Variants in TBL1X observed in about 807,000 individuals in gnomAD.
TBL1X encodes F-box-like/WD repeat-containing protein TBL1X.
In TBL1X, 10 loss-of-function variants were observed where a neutral mutation model predicts 50.7. The observed-to-expected ratio is 0.20, with a 90% CI of 0.12 to 0.33. TBL1X has a LOEUF of 0.33. TBL1X is among the 10% of genes least tolerant of loss of function. TBL1X has a pLI of 1.00. For missense variants in TBL1X, 340 were observed against 504.4 expected (o/e 0.67, Z 3.12); for synonymous variants, 190 against 214.7 (o/e 0.88, Z 1.01).
At chrX:9,611,182 G>A (rs2082611723) in intron 2 of TBL1X, among the ~76,000 whole-genome samples, 1 of 112,072 alleles carries the variant, frequency 8.9e-6, no homozygotes, top group Non-Finnish European at 1.9e-5. Flanking sequence ...GGCTCCAGGT[G>A]GATGACTTTC....
chrX:9,466,990 G>A (rs2081779748), intron 1 of TBL1X, among the ~76,000 whole-genome samples: 1 of 111,695 alleles, frequency 9.0e-6, no homozygotes, highest in African/African-American at 3.3e-5. Context: ...TGCCACCCTC[G>A]CTCCCCAACT....
intron 2 of TBL1X, among the ~76,000 whole-genome samples, chrX:9,584,857 T>A (rs1232298158): frequency 9.0e-6 from 1 of 111,264 alleles, no homozygotes; most frequent in Non-Finnish European, 1.9e-5. Context: ...GTCTGTTTAG[T>A]GGGTATTAGA....
chrX:9,692,125 A>G lies in TBL1X; in HGVS notation c.762A>G (p.Ser254=). The change falls in exon 9 of 18, where the codon TCA becomes TCG. Residue 254 remains serine (S), a synonymous_variant. Coordinates refer to ENST00000645353, the MANE Select transcript of TBL1X (RefSeq NM_005647.4). ...SDLLASGSGD[S]TARIWNLNEN... Reference sequence around the variant, plus strand: ...TTTTATTCTGTAGATCTGGAGACTCAACTGCAAGGATATGGAACCTGAATG... The same window carrying G: ...TTTTATTCTGTAGATCTGGAGACTCGACTGCAAGGATATGGAACCTGAATG... 8.3e-7 allele frequency: 1 copy of G among 1,211,661 alleles called. No homozygotes were observed. Among genetic ancestry groups the G allele is most frequent in the Non-Finnish European group, 1.1e-6 (1 of 895,495 alleles).
At chrX:9,661,603 G>A (rs2082899093) in intron 5 of TBL1X, among the ~76,000 whole-genome samples, 1 of 112,058 alleles carries the variant, frequency 8.9e-6, no homozygotes, top group Admixed American at 9.4e-5. Context: ...ATTCAGGTGA[G>A]TTAGCCTCAG....
chrX:9,623,854 T>G (rs2082679495), intron 2 of TBL1X, among the ~76,000 whole-genome samples: 1 of 112,107 alleles, frequency 8.9e-6, no homozygotes, highest in Admixed American at 9.4e-5. Flanking sequence ...ATCCTACACA[T>G]TATTTGTCAC....
Position 9,716,287 on chromosome X carries a change from C to A in TBL1X, c.*41C>A. Reference sequence around the variant, plus strand: ...GAAAAAAGAAAAGAATTCTAATGACCAGCCGTGAATGTGTAGGGTTGCAGC... The same window carrying A: ...GAAAAAAGAAAAGAATTCTAATGACAAGCCGTGAATGTGTAGGGTTGCAGC... On this transcript the variant is annotated 3_prime_UTR_variant, in exon 18 of 18. Transcript: ENST00000645353. 1 of 1,182,686 alleles carries A rather than the reference C, an allele frequency of 8.5e-7. No homozygotes were observed. The highest frequency in any genetic ancestry group is 1.1e-6 in the Non-Finnish European group (1 of 874,141).
chrX:9,531,851 GT>G (rs1412931996), intron 2 of TBL1X, among the ~76,000 whole-genome samples: 1 of 110,721 alleles, frequency 9.0e-6, no homozygotes, highest in Non-Finnish European at 1.9e-5. Context: ...TCCTGCCTCA[GT>G]CCCCCTAGTA....
intron 10 of TBL1X, 43 bp from the exon 11 acceptor site, chrX:9,693,279 C>T (rs746111131): frequency 4.1e-6 from 5 of 1,209,056 alleles, no homozygotes; most frequent in Admixed American, 2.2e-5. Flanking sequence ...CTTGAGTGAA[C>T]AGACCATGAC....
At chrX:9,528,935 A>G (rs984231699) in intron 2 of TBL1X, among the ~76,000 whole-genome samples, 4 of 111,666 alleles carry the variant, frequency 3.6e-5, no homozygotes, top group African/African-American at 1.3e-4. Flanking sequence ...TCTTGGCCAC[A>G]CACTGCTATA....
At chrX:9,548,390 T>G (rs1269447996) in intron 2 of TBL1X, among the ~76,000 whole-genome samples, 2 of 112,028 alleles carry the variant, frequency 1.8e-5, no homozygotes, top group African/African-American at 6.5e-5. Flanking sequence ...CCTTATCTTT[T>G]TTGTGTGTTT....
chrX:9,717,750 C>T lies in TBL1X; in HGVS notation c.*1504C>T, dbSNP rs1223144410. 6.2e-5 allele frequency: 7 copies of T among 112,020 alleles called. No individual in the cohort carries two copies. Among genetic ancestry groups the T allele is most frequent in the African/African-American group, 1.6e-4 (5 of 30,824 alleles). The allele number at this position is 112,020 out of a possible 1,213,427, so 9.2% of individuals were successfully genotyped here. A position where few individuals can be genotyped will look rare whatever the true frequency, so the allele number is the denominator to read the frequency against. ...AGTCCTTGCAGAGCTGACATAGAGG[C>T]GCCCGCATGTCACTTAGTCTAACGC... On this transcript the variant is annotated 3_prime_UTR_variant, in exon 18 of 18. Coordinates refer to ENST00000645353, the MANE Select transcript of TBL1X (RefSeq NM_005647.4).
At chrX:9,607,735 ATAGAAG>A (rs1243753458) in intron 2 of TBL1X, among the ~76,000 whole-genome samples, 10 of 112,694 alleles carry the variant, frequency 8.9e-5, no homozygotes, top group African/African-American at 3.2e-4. Flanking sequence ...ATAGCTGAAA[ATAGAAG>A]TAGAACATGA....
At chrX:9,569,348 CTGTG>C (rs1175094979) in intron 2 of TBL1X, among the ~76,000 whole-genome samples, 9 of 90,665 alleles carry the variant, frequency 9.9e-5, no homozygotes, top group East Asian at 3.5e-4. Flanking sequence ...GTGCAGTGTG[CTGTG>C]TGTGTGTGTG....
At chrX:9,613,505 A>G (rs2082623915) in intron 2 of TBL1X, among the ~76,000 whole-genome samples, 1 of 111,983 alleles carries the variant, frequency 8.9e-6, no homozygotes, top group Non-Finnish European at 1.9e-5. Context: ...AATACCAGTC[A>G]TGTATTTCCA....
chrX:9,653,814 G>T lies in TBL1X; in HGVS notation c.103+125G>T, dbSNP rs889321290. ...AGTGCTCAGTGTTGAATCCCTCCAC[G>T]TCTGCCTGAGTGCACTTTGGGATTC... On this transcript the variant is annotated intron_variant, in intron 4 of 17. Coordinates refer to ENST00000645353, the MANE Select transcript of TBL1X (RefSeq NM_005647.4). The T allele has an allele frequency of 8.4e-6, 5 of 595,814 alleles. No individual in the cohort carries two copies. In the Admixed American group the frequency reaches 1.4e-4, roughly 17 times the overall value. The allele number at this position is 595,814 out of a possible 1,213,427, so 49.1% of individuals were successfully genotyped here. A position where few individuals can be genotyped will look rare whatever the true frequency, so the allele number is the denominator to read the frequency against.
At chrX:9,474,632 C>A (rs1021057088) in intron 1 of TBL1X, among the ~76,000 whole-genome samples, 2 of 113,029 alleles carry the variant, frequency 1.8e-5, no homozygotes, top group Non-Finnish European at 3.7e-5. Flanking sequence ...GTTTGCAGGT[C>A]CACAAGGAAA....
At chrX:9,593,267 C>T (rs1006615071) in intron 2 of TBL1X, among the ~76,000 whole-genome samples, 17 of 109,230 alleles carry the variant, frequency 1.6e-4, no homozygotes, top group African/African-American at 3.0e-4. Flanking sequence ...CCAGGTGTGA[C>T]GGTGGGCGCC....
intron 1 of TBL1X, among the ~76,000 whole-genome samples, chrX:9,484,351 C>T (rs529759909): frequency 1.8e-5 from 2 of 110,316 alleles, no homozygotes; most frequent in South Asian, 7.5e-4. Context: ...TTTGTGAAAC[C>T]AGCACCACAG....
chrX:9,642,284 T>C (rs2082779698), intron 3 of TBL1X, among the ~76,000 whole-genome samples: 1 of 111,762 alleles, frequency 8.9e-6, no homozygotes, highest in Non-Finnish European at 1.9e-5. Context: ...TGATAACTTG[T>C]ATGGTTTATA....
Sources: allele counts gnomAD v4.1 joint callset (sites outside exome capture counted in the v4.1 genomes callset), GRCh38; gene constraint gnomAD v4.1.1; transcripts MANE v1.5; gene names NCBI Gene and HGNC (gene_info 2026-07-23, HGNC 2026-07-21).